The following PRKG1 variants were observed in gnomAD, a reference collection of about 807,000 sequenced individuals.
PRKG1 encodes protein kinase cGMP-dependent 1, also known as cGMP-dependent protein kinase 1.
PRKG1 carries 35 observed loss-of-function variants against 88.1 expected under a neutral mutation model. The observed-to-expected ratio is 0.40, with a 90% CI of 0.30 to 0.53. The LOEUF is 0.53. Among genes scored for constraint, PRKG1 ranks in the 20% least tolerant of loss-of-function variants. PRKG1 has a pLI of 0.59. For missense variants in PRKG1, 540 were observed against 839.8 expected (o/e 0.64, Z 4.41); for synonymous variants, 303 against 292.5 (o/e 1.04, Z -0.37).
rs192668780 is a variant in PRKG1 at position 51,561,130 on chromosome 10, T to A, written c.592+93294T>A. Among the ~76,000 whole-genome samples the A allele has an allele frequency of 8.6e-5, 13 of 151,684 alleles. 1 individual carries two copies. The East Asian group carries it at 2.5e-3, about 30-fold the overall frequency. ...AAAAGAAAAAGAAAAAAAGAAAAAA[T>A]TAGCTGGGTGTGGTAGCTGGGTATG... is the stretch of plus-strand genomic sequence containing the variant. On this transcript the variant is annotated intron_variant, in intron 3 of 17. Transcript: ENST00000373980.
At chr10:51,916,092 T>C (rs559812345) in intron 5 of PRKG1, among the ~76,000 whole-genome samples, 5 of 152,182 alleles carry the variant, frequency 3.3e-5, no homozygotes, top group African/African-American at 1.2e-4. Context: ...GTCAGAGGTG[T>C]GTGAGCCAGA....
At chr10:52,112,761 TG>T (rs1342446265) in intron 7 of PRKG1, among the ~76,000 whole-genome samples, 1 of 152,164 alleles carries the variant, frequency 6.6e-6, no homozygotes, top group Non-Finnish European at 1.5e-5. Flanking sequence ...TCTAAGCAGC[TG>T]TAAGCATAAG....
At chr10:52,040,984 C>T (rs566168361) in intron 5 of PRKG1, among the ~76,000 whole-genome samples, 2 of 151,624 alleles carry the variant, frequency 1.3e-5, no homozygotes, top group South Asian at 4.2e-4. Context: ...TTACAGGCGC[C>T]CGCCACCATG....
At chr10:52,156,139 A>G (rs1029700470) in intron 8 of PRKG1, among the ~76,000 whole-genome samples, 6 of 152,000 alleles carry the variant, frequency 3.9e-5, no homozygotes, top group Non-Finnish European at 8.8e-5. Flanking sequence ...GACACAGACA[A>G]ACATCTAATA....
chr10:51,265,445 A>G (rs572858958), intron 2 of PRKG1, among the ~76,000 whole-genome samples: 2 of 152,244 alleles, frequency 1.3e-5, no homozygotes, highest in Non-Finnish European at 2.9e-5. Flanking sequence ...GTTGAAATTC[A>G]GGTTTAATGG....
At chr10:51,550,050 T>C (rs558312666) in intron 3 of PRKG1, among the ~76,000 whole-genome samples, 1 of 152,270 alleles carries the variant, frequency 6.6e-6, no homozygotes, top group Admixed American at 6.5e-5. Context: ...GTGTCACCTT[T>C]AATAATACTC....
At chr10:51,528,564 A>C (rs1841937747) in intron 3 of PRKG1, among the ~76,000 whole-genome samples, 1 of 108,264 alleles carries the variant, frequency 9.2e-6, no homozygotes, top group African/African-American at 3.2e-5. Context: ...AATTACATTC[A>C]GTACAGCAAA....
chr10:51,805,321 C>A (rs868152371), intron 4 of PRKG1, among the ~76,000 whole-genome samples: 2 of 151,800 alleles, frequency 1.3e-5, no homozygotes, highest in East Asian at 1.9e-4. Context: ...AGAATAAAAA[C>A]CAGCTTTTTA....
chr10:52,284,988 G>A (rs1364682105), intron 14 of PRKG1, among the ~76,000 whole-genome samples: 1 of 152,038 alleles, frequency 6.6e-6, no homozygotes, highest in African/African-American at 2.4e-5. Context: ...AAACAGTAGT[G>A]AAGGCTGGTG....
At chr10:51,082,744 C>T (rs902791996) in intron 1 of PRKG1, among the ~76,000 whole-genome samples, 33 of 151,724 alleles carry the variant, frequency 2.2e-4, no homozygotes, top group African/African-American at 7.5e-4. Flanking sequence ...CCAAATTGTA[C>T]GTGTAGACAA....
At chr10:51,071,495 C>G (rs1273738821), upstream of PRKG1, among the ~76,000 whole-genome samples, 1 of 152,090 alleles carries the variant, frequency 6.6e-6, no homozygotes, top group Non-Finnish European at 1.5e-5. Flanking sequence ...GTCTTTTCAG[C>G]TTTTTACTCT....
chr10:51,827,253 A>C (rs1413640577), intron 4 of PRKG1, among the ~76,000 whole-genome samples: 1 of 152,218 alleles, frequency 6.6e-6, no homozygotes, highest in Non-Finnish European at 1.5e-5. Flanking sequence ...ATACAAATAA[A>C]TAAAAATTAT....
chr10:51,066,739 G>A (rs757824768), intron 1 of PRKG1, among the ~76,000 whole-genome samples: 12 of 151,924 alleles, frequency 7.9e-5, no homozygotes, highest in Non-Finnish European at 1.6e-4. Context: ...AATACATACT[G>A]GAATGTTAAA....
chr10:52,064,404 C>T (rs1449254100), intron 7 of PRKG1, among the ~76,000 whole-genome samples: 3 of 152,224 alleles, frequency 2.0e-5, no homozygotes, highest in Non-Finnish European at 4.4e-5. Context: ...GCAGGCACCT[C>T]TGATCCTGTG....
intron 1 of PRKG1, among the ~76,000 whole-genome samples, chr10:51,032,999 T>C (rs1843305040): frequency 6.6e-6 from 1 of 152,168 alleles, no homozygotes; most frequent in African/African-American, 2.4e-5. Context: ...TTATTTCTAC[T>C]ACAGTTTCTA....
At chr10:51,238,751 ACT>A (rs1305046699) in intron 2 of PRKG1, among the ~76,000 whole-genome samples, 1 of 149,426 alleles carries the variant, frequency 6.7e-6, no homozygotes, top group Admixed American at 6.7e-5. Context: ...ACAGAGGGAG[ACT>A]CTATCTCAAA....
At chr10:52,174,875 GATAT>G (rs1014386506) in intron 9 of PRKG1, among the ~76,000 whole-genome samples, 11 of 151,598 alleles carry the variant, frequency 7.3e-5, no homozygotes, top group African/African-American at 2.7e-4. Flanking sequence ...ATTTTTAATT[GATAT>G]ATATAACTGT....
intron 3 of PRKG1, among the ~76,000 whole-genome samples, chr10:51,706,718 T>G (rs1175477705): frequency 6.6e-6 from 1 of 152,150 alleles, no homozygotes; most frequent in African/African-American, 2.4e-5. Flanking sequence ...AATGTCAGAA[T>G]GACTTAGATT....
At chr10:51,163,831 C>T (rs190411863) in intron 2 of PRKG1, among the ~76,000 whole-genome samples, 8 of 152,168 alleles carry the variant, frequency 5.3e-5, no homozygotes, top group Admixed American at 3.3e-4. Flanking sequence ...AAGGCCGCAG[C>T]GAGGCTGGGG....
Sources: gnomAD v4.1 joint callset for allele counts (sites outside exome capture counted in the v4.1 genomes callset) on GRCh38, gnomAD v4.1.1 for gene constraint, MANE v1.5 for transcripts, NCBI Gene and HGNC (gene_info 2026-07-23, HGNC 2026-07-21) for gene names.